SYN3: variants seen among roughly 807,000 people sequenced by gnomAD.
SYN3 encodes synapsin-3.
A neutral mutation model predicts 65.8 loss-of-function variants in SYN3; 35 were observed. That is an observed-to-expected ratio of 0.53 (90% CI 0.41 to 0.70). The LOEUF (loss-of-function observed/expected upper bound fraction) is 0.70, where lower values mean the gene tolerates loss of function less well. SYN3 is among the 30% of genes least tolerant of loss of function. The pLI is 0.00. For missense variants in SYN3, 680 were observed against 749.0 expected (o/e 0.91, Z 1.08); for synonymous variants, 270 against 292.9 (o/e 0.92, Z 0.80).
intron 4 of SYN3, among the ~76,000 whole-genome samples, chr22:32,874,123 G>T (rs778884991): frequency 6.6e-6 from 1 of 152,084 alleles, no homozygotes; most frequent in Non-Finnish European, 1.5e-5. Context: ...GACAGAACAA[G>T]AATCTGTCTC....
At chr22:32,599,839 A>G (rs1203243773) in intron 6 of SYN3, among the ~76,000 whole-genome samples, 1 of 152,170 alleles carries the variant, frequency 6.6e-6, no homozygotes, top group Non-Finnish European at 1.5e-5. Context: ...AGGTTGAGAC[A>G]AGATTTCTGC....
intron 6 of SYN3, among the ~76,000 whole-genome samples, chr22:32,671,785 ATG>A (rs2060373887): frequency 6.6e-6 from 1 of 150,778 alleles, no homozygotes. Context: ...GCACACACAC[ATG>A]CTCTCACACA....
chr22:32,959,138 G>A (rs1386656439), intron 3 of SYN3, among the ~76,000 whole-genome samples: 2 of 152,014 alleles, frequency 1.3e-5, no homozygotes, highest in Non-Finnish European at 2.9e-5. Flanking sequence ...ATTGAATCAT[G>A]GGGTTAGTTC....
chr22:32,748,596 A>T (rs1569192858), intron 6 of SYN3, among the ~76,000 whole-genome samples: 1 of 152,228 alleles, frequency 6.6e-6, no homozygotes, highest in African/African-American at 2.4e-5. Flanking sequence ...GCCAAAATTT[A>T]GAAACATTAT....
chr22:32,814,227 GAA>G (rs1246463192), intron 6 of SYN3, among the ~76,000 whole-genome samples: 1 of 122,986 alleles, frequency 8.1e-6, no homozygotes, highest in Non-Finnish European at 1.7e-5. Context: ...AGGAAAGAAA[GAA>G]AAAAAAAGAA....
Position 32,572,137 on chromosome 22 carries a change from G to A in SYN3, c.774+24537C>T, listed in dbSNP as rs2058766937. ...GGGTCTTGAAGTATGATTCTCAAGG[G>A]GAAGGTAGGCTATGACGTGATCTGA... On this transcript the variant is annotated intron_variant, in intron 7 of 13. Transcript: ENST00000358763. Among the ~76,000 whole-genome samples the A allele has an allele frequency of 2.0e-5, 3 of 151,874 alleles. No homozygotes were observed. In the South Asian group the frequency reaches 6.3e-4, roughly 32 times the overall value.
At chr22:32,614,529 G>A (rs2059488499) in intron 6 of SYN3, among the ~76,000 whole-genome samples, 1 of 152,176 alleles carries the variant, frequency 6.6e-6, no homozygotes, top group African/African-American at 2.4e-5. Context: ...TGGACAGGGG[G>A]ATGAACCCTG....
intron 6 of SYN3, among the ~76,000 whole-genome samples, chr22:32,846,998 A>T (rs1307318554): frequency 6.6e-6 from 1 of 152,122 alleles, no homozygotes; most frequent in Non-Finnish European, 1.5e-5. Flanking sequence ...TCTGCTTGTG[A>T]CATCTTCTGT....
At chr22:32,965,727 G>A (rs1045608286) in intron 3 of SYN3, among the ~76,000 whole-genome samples, 7 of 151,950 alleles carry the variant, frequency 4.6e-5, no homozygotes, top group African/African-American at 7.3e-5. Flanking sequence ...ATGGAGTCTC[G>A]CTCTTTCGCC....
chr22:32,715,758 G>A (rs2061029530), intron 6 of SYN3, among the ~76,000 whole-genome samples: 1 of 129,512 alleles, frequency 7.7e-6, no homozygotes, highest in Admixed American at 9.2e-5. Flanking sequence ...CTGCCTGGGT[G>A]ACAGAGCAAG....
chr22:32,767,667 G>A (rs147392760), intron 6 of SYN3, among the ~76,000 whole-genome samples: 3 of 152,204 alleles, frequency 2.0e-5, no homozygotes, highest in East Asian at 1.9e-4. Context: ...TGAGTAATCC[G>A]GTATCAGCTT....
intron 4 of SYN3, among the ~76,000 whole-genome samples, chr22:32,926,390 C>T (rs1190091384): frequency 6.6e-6 from 1 of 152,102 alleles, no homozygotes; most frequent in African/African-American, 2.4e-5. Flanking sequence ...CTTTATGTCT[C>T]CTTATAGTTT....
chr22:32,670,153 A>G (rs1037256715), intron 6 of SYN3, among the ~76,000 whole-genome samples: 4 of 152,200 alleles, frequency 2.6e-5, no homozygotes, highest in Non-Finnish European at 5.9e-5. Context: ...TCTTGGAAAG[A>G]TTTCAGGATT....
chr22:32,760,271 T>C (rs1445882940), intron 6 of SYN3, among the ~76,000 whole-genome samples: 1 of 140,640 alleles, frequency 7.1e-6, no homozygotes, highest in Non-Finnish European at 1.5e-5. Flanking sequence ...CTTGATTGAG[T>C]CTAAAGGAAG....
intron 4 of SYN3, among the ~76,000 whole-genome samples, chr22:32,919,835 C>T (rs1402730964): frequency 6.6e-6 from 1 of 152,152 alleles, no homozygotes; most frequent in Non-Finnish European, 1.5e-5. Context: ...GGAAAAGCCA[C>T]CCTTCTCTCT....
chr22:32,896,960 CCT>C (rs1315698950), intron 4 of SYN3, among the ~76,000 whole-genome samples: 9 of 152,148 alleles, frequency 5.9e-5, no homozygotes, highest in African/African-American at 2.2e-4. Context: ...AACCTATGCC[CCT>C]GTCCCCACCC....
intron 6 of SYN3, among the ~76,000 whole-genome samples, chr22:32,812,250 A>G (rs954267559): frequency 8.5e-5 from 13 of 152,218 alleles, no homozygotes; most frequent in African/African-American, 3.1e-4. Flanking sequence ...TCTGTCAACC[A>G]CACCCTTCAG....
intron 2 of SYN3, among the ~76,000 whole-genome samples, chr22:32,982,504 T>G (rs966937331): frequency 6.6e-6 from 1 of 152,228 alleles, no homozygotes; most frequent in East Asian, 1.9e-4. Flanking sequence ...TGGTGATTTT[T>G]CTCCATAAGC....
chr22:32,670,520 C>G (rs2060346169), intron 6 of SYN3, among the ~76,000 whole-genome samples: 1 of 152,230 alleles, frequency 6.6e-6, no homozygotes, highest in East Asian at 1.9e-4. Context: ...CCTCTGCTGT[C>G]TTTTAACCCT....
Sources: gnomAD v4.1 joint callset for allele counts (sites outside exome capture counted in the v4.1 genomes callset) on GRCh38, gnomAD v4.1.1 for gene constraint, MANE v1.5 for transcripts, NCBI Gene and HGNC (gene_info 2026-07-23, HGNC 2026-07-21) for gene names.